HTR1F: variants seen among roughly 807,000 people sequenced by gnomAD.
The protein encoded by HTR1F is 5-hydroxytryptamine receptor 1F.
Under a neutral mutation model 24.0 loss-of-function variants are expected in HTR1F, and 17 were observed. The ratio of observed to expected loss-of-function variants is 0.71; its 90% CI spans 0.48 to 1.06. The LOEUF is 1.06. Ranked by LOEUF, HTR1F falls within the 50% of genes least tolerant of loss-of-function variation. The pLI, the probability that HTR1F is intolerant of heterozygous loss-of-function variation, is 0.00. For missense variants in HTR1F, 391 were observed against 427.8 expected, an observed-to-expected ratio of 0.91 and a Z score of 0.76; for synonymous variants, 186 against 156.8, an observed-to-expected ratio of 1.19 and a Z score of -1.39.
chr3:87,965,958 C>A (rs1183089305), intron 2 of HTR1F, among the ~76,000 whole-genome samples: 1 of 152,184 alleles, frequency 6.6e-6, no homozygotes. Flanking sequence ...CCTTTAGGGA[C>A]TTCATATTAT....
At chr3:87,865,891 C>T (rs1705416714) in intron 2 of HTR1F, among the ~76,000 whole-genome samples, 1 of 152,056 alleles carries the variant, frequency 6.6e-6, no homozygotes, top group South Asian at 2.1e-4. Context: ...GCACATGGGG[C>T]TTGCATATGT....
intron 2 of HTR1F, among the ~76,000 whole-genome samples, chr3:87,942,902 A>T (rs1412125512): frequency 2.0e-5 from 3 of 152,166 alleles, no homozygotes; most frequent in Non-Finnish European, 4.4e-5. Context: ...TGATAAACTT[A>T]TCCTTTAAGA....
At chr3:87,884,664 G>A (rs764614501) in intron 2 of HTR1F, among the ~76,000 whole-genome samples, 2 of 149,498 alleles carry the variant, frequency 1.3e-5, no homozygotes, top group African/African-American at 5.0e-5. Flanking sequence ...GATCTACCAA[G>A]CAAATGGAAA....
intron 2 of HTR1F, among the ~76,000 whole-genome samples, chr3:87,896,941 C>T (rs934161711): frequency 4.6e-5 from 7 of 151,950 alleles, no homozygotes; most frequent in African/African-American, 1.7e-4. Flanking sequence ...AAAAGGGAAC[C>T]CTTGTACGCT....
intron 2 of HTR1F, among the ~76,000 whole-genome samples, chr3:87,907,241 T>C (rs1462934354): frequency 2.0e-5 from 3 of 151,946 alleles, no homozygotes; most frequent in Non-Finnish European, 2.9e-5. Flanking sequence ...AGTAAGGTGG[T>C]ATTGCATTGT....
chr3:87,919,090 C>G (rs1328708116), intron 2 of HTR1F, among the ~76,000 whole-genome samples: 1 of 151,922 alleles, frequency 6.6e-6, no homozygotes, highest in Non-Finnish European at 1.5e-5. Flanking sequence ...GCCAACTGAT[C>G]TTTGACAAAG....
chr3:87,918,243 G>C (rs536213535), intron 2 of HTR1F, among the ~76,000 whole-genome samples: 5 of 152,058 alleles, frequency 3.3e-5, no homozygotes, highest in African/African-American at 1.2e-4. Flanking sequence ...AGCCATCTAT[G>C]ACAAACCCAC....
chr3:87,873,613 T>A (rs1259949746), intron 2 of HTR1F, among the ~76,000 whole-genome samples: 1 of 152,152 alleles, frequency 6.6e-6, no homozygotes, highest in Non-Finnish European at 1.5e-5. Flanking sequence ...TATCTGGGCA[T>A]CCTTTAGCAC....
intron 2 of HTR1F, among the ~76,000 whole-genome samples, chr3:87,953,751 G>A (rs1053778174): frequency 1.3e-5 from 2 of 151,644 alleles, no homozygotes; most frequent in African/African-American, 4.8e-5. Context: ...TTAATGCAAC[G>A]CTATTCACAA....
At chr3:87,873,230 C>T (rs1241154520) in intron 2 of HTR1F, among the ~76,000 whole-genome samples, 6 of 151,932 alleles carry the variant, frequency 3.9e-5, no homozygotes, top group Non-Finnish European at 5.9e-5. Context: ...GAACTAGAAA[C>T]GCCAGTAGTA....
At chr3:87,887,713 A>G (rs1201452323) in intron 2 of HTR1F, among the ~76,000 whole-genome samples, 2 of 151,980 alleles carry the variant, frequency 1.3e-5, no homozygotes, top group Non-Finnish European at 2.9e-5. Context: ...CAAAAGACAC[A>G]TGAAATTGCT....
chr3:87,910,584 A>T (rs981068851), intron 2 of HTR1F, among the ~76,000 whole-genome samples: 1 of 152,016 alleles, frequency 6.6e-6, no homozygotes, highest in African/African-American at 2.4e-5. Context: ...ATTAACAGAG[A>T]TATTTAGGAT....
chr3:87,848,825 A>T (rs921841531), intron 2 of HTR1F, among the ~76,000 whole-genome samples: 37 of 151,742 alleles, frequency 2.4e-4, no homozygotes, highest in African/African-American at 9.0e-4. Context: ...AGACAAACGG[A>T]GAGCCAAATC....
At chr3:87,874,363 T>C (rs1445428459) in intron 2 of HTR1F, among the ~76,000 whole-genome samples, 1 of 151,506 alleles carries the variant, frequency 6.6e-6, no homozygotes, top group Non-Finnish European at 1.5e-5. Flanking sequence ...AATCTGAAAA[T>C]GAAATTAAGA....
chr3:87,878,614 C>T (rs1354779523), intron 2 of HTR1F, among the ~76,000 whole-genome samples: 1 of 152,086 alleles, frequency 6.6e-6, no homozygotes, highest in Non-Finnish European at 1.5e-5. Flanking sequence ...CAGATCTACT[C>T]TGTTGTATTG....
chr3:87,840,784 A>G (rs1292651143), intron 2 of HTR1F, among the ~76,000 whole-genome samples: 46 of 152,114 alleles, frequency 3.0e-4, no homozygotes, highest in Admixed American at 2.7e-3. Flanking sequence ...TTGCAACAAC[A>G]TGGCTGAACC....
At chr3:87,852,577 A>G (rs534157426) in intron 2 of HTR1F, among the ~76,000 whole-genome samples, 1 of 151,732 alleles carries the variant, frequency 6.6e-6, no homozygotes, top group East Asian at 1.9e-4. Context: ...AGCAATTTGT[A>G]GATTTTTTAA....
intron 2 of HTR1F, among the ~76,000 whole-genome samples, chr3:87,841,863 C>G (rs146962085): frequency 0.019 from 2,692 of 145,396 alleles, 108 homozygotes; most frequent in African/African-American, 0.066. Flanking sequence ...TCATGCCACT[C>G]CACTCCTGCC....
chr3:87,885,296 G>GA (rs1157436394), intron 2 of HTR1F, among the ~76,000 whole-genome samples: 1 of 151,930 alleles, frequency 6.6e-6, no homozygotes, highest in East Asian at 1.9e-4. Flanking sequence ...AAATCAATGA[G>GA]AAAAAAAGAC....
Sources: allele counts gnomAD v4.1 joint callset (sites outside exome capture counted in the v4.1 genomes callset), GRCh38; gene constraint gnomAD v4.1.1; transcripts MANE v1.5; gene names NCBI Gene and HGNC (gene_info 2026-07-23, HGNC 2026-07-21).